SIGLEC15: variants seen among roughly 807,000 people sequenced by gnomAD.
The protein encoded by SIGLEC15 is sialic acid-binding Ig-like lectin 15.
In SIGLEC15, 31 loss-of-function variants were observed where a neutral mutation model predicts 26.2. The ratio of observed to expected loss-of-function variants is 1.18; its 90% CI spans 0.89 to 1.60. The LOEUF is 1.60. Among genes scored for constraint, SIGLEC15 ranks in the 40% most tolerant of loss-of-function variants. SIGLEC15 has a pLI of 0.00. For missense variants in SIGLEC15, 501 were observed against 488.4 expected (o/e 1.03, Z -0.24); for synonymous variants, 207 against 221.9 (o/e 0.93, Z 0.60).
At chr18:45,831,222 T>A (rs533213148) in intron 1 of SIGLEC15, among the ~76,000 whole-genome samples, 82 of 152,340 alleles carry the variant, frequency 5.4e-4, no homozygotes, top group African/African-American at 1.9e-3. Flanking sequence ...ACTCGCCTGC[T>A]GCCGTGTTGT....
chr18:45,835,389 T>G (rs1243186627), intron 1 of SIGLEC15, among the ~76,000 whole-genome samples: 1 of 152,190 alleles, frequency 6.6e-6, no homozygotes, highest in African/African-American at 2.4e-5. Flanking sequence ...CTGCATCTCA[T>G]GCATGTACTT....
chr18:45,838,758 G>A lies in SIGLEC15; in HGVS notation c.537G>A (p.Pro179=), dbSNP rs1308202480. ...RIVNISVLPS[P]AHAFRALCTA... Reference sequence around the variant, plus strand: ...TCAACATCTCGGTGCTGCCCAGTCCGGCTCACGCCTTCCGCGCGCTCTGCA... The same window carrying A: ...TCAACATCTCGGTGCTGCCCAGTCCAGCTCACGCCTTCCGCGCGCTCTGCA... Residue 179 remains proline, a synonymous_variant, in exon 4 of 6, where the codon CCG becomes CCA. Transcript: ENST00000389474. 3.2e-6 allele frequency: 5 copies of A among 1,582,030 alleles called. No homozygotes were observed. Among genetic ancestry groups the A allele is most frequent in the Admixed American group, 3.4e-5 (2 of 58,450 alleles).
At position 45,825,796 on chromosome 18, in the gene SIGLEC15, T is replaced by C; in HGVS notation, c.52+16T>C. 2 of 1,614,088 alleles carry C rather than the reference T, an allele frequency of 1.2e-6. No homozygotes were observed. The highest frequency in any genetic ancestry group is 1.7e-6 in the Non-Finnish European group (2 of 1,179,922). On this transcript the variant is annotated intron_variant, in intron 1 of 5. Coordinates refer to ENST00000389474, the MANE Select transcript of SIGLEC15 (RefSeq NM_213602.3). Reference sequence around the variant, plus strand: ...CTCCCGACAGGTGAGTGTCTGCTACTCTCTCTGGCCCATGCTCGGGACAGA... The same window carrying C: ...CTCCCGACAGGTGAGTGTCTGCTACCCTCTCTGGCCCATGCTCGGGACAGA...
chr18:45,827,870 T>C lies in SIGLEC15; in HGVS notation c.52+2090T>C, dbSNP rs146517261. ...AGACACAAAGGATTTAGAGGAAGCATGGGCTGTGGAGTCACATGTTCAAAA... is the reference window on the plus strand; with the variant it reads ...AGACACAAAGGATTTAGAGGAAGCACGGGCTGTGGAGTCACATGTTCAAAA... On this transcript the variant is annotated intron_variant, in intron 1 of 5. Transcript: ENST00000389474. Among the ~76,000 whole-genome samples the C allele has an allele frequency of 4.3e-3, 649 of 152,324 alleles. 8 individuals carry two copies. The highest frequency in any genetic ancestry group is 0.014 in the African/African-American group (602 of 41,564).
chr18:45,833,501 C>T (rs1043009222), intron 1 of SIGLEC15, among the ~76,000 whole-genome samples: 3 of 151,938 alleles, frequency 2.0e-5, no homozygotes, highest in Non-Finnish European at 2.9e-5. Flanking sequence ...TTAGTAGAGA[C>T]GGGGTTTTAC....
rs981657633 is a variant in SIGLEC15 at position 45,842,327 on chromosome 18, A to G, written c.*140A>G. The G allele has an allele frequency of 3.9e-5, 31 of 797,470 alleles. No individual in the cohort carries two copies. The highest frequency in any genetic ancestry group is 3.4e-4 in the Middle Eastern group (1 of 2,902). The allele number at this position is 797,470 out of a possible 1,614,324, so 49.4% of individuals were successfully genotyped here. A position where few individuals can be genotyped will look rare whatever the true frequency, so the allele number is the denominator to read the frequency against. On this transcript the variant is annotated 3_prime_UTR_variant, in exon 6 of 6. Coordinates refer to ENST00000389474, the MANE Select transcript of SIGLEC15 (RefSeq NM_213602.3). The stretch of plus-strand genomic sequence containing the variant: ...GTGGCTCCTCCCCTGCTCAAGGTCA[A>G]GACCCTGCTCAAGGAGGCTCATCTG...
In SIGLEC15 at chr18:45,837,667, C is replaced by A; in HGVS notation, c.267C>A (p.Gly89=). ...AIWRAGEPYA[G]PQVFRCAAAR... ...GGCGCGCGGGCGAGCCCTATGCGGG[C>A]CCGCAGGTGTTCCGCTGCGCTGCGG... Residue 89 remains glycine (G), a synonymous_variant, in exon 3 of 6, where the codon GGC becomes GGA. Coordinates refer to ENST00000389474, the MANE Select transcript of SIGLEC15 (RefSeq NM_213602.3). The A allele has an allele frequency of 3.3e-6, 5 of 1,495,276 alleles. No individual in the cohort carries two copies. Among genetic ancestry groups the A allele is most frequent in the Non-Finnish European group, 3.5e-6 (4 of 1,130,824 alleles). 92.6% of individuals were successfully genotyped at this position (1,495,276 alleles called of 1,614,324 possible).
chr18:45,835,818 A>G (rs1460416913), intron 1 of SIGLEC15, among the ~76,000 whole-genome samples: 3 of 152,142 alleles, frequency 2.0e-5, no homozygotes, highest in Non-Finnish European at 4.4e-5. Context: ...TAGAGCACAC[A>G]CCTGGAGCCC....
rs1316035536 is a variant in SIGLEC15 at position 45,837,656 on chromosome 18, C to G, written c.256C>G (p.Pro86Ala). ...PLTAIWRAGE[P>A]YAGPQVFRCA... ...GACGGCCATCTGGCGCGCGGGCGAGCCCTATGCGGGCCCGCAGGTGTTCCG... is the reference window on the plus strand; with the variant it reads ...GACGGCCATCTGGCGCGCGGGCGAGGCCTATGCGGGCCCGCAGGTGTTCCG... Residue 86 changes from proline (P) to alanine (A), a missense_variant, in exon 3 of 6, where the codon CCC becomes GCC. Transcript: ENST00000389474. 14 of 1,503,924 alleles carry G rather than the reference C, an allele frequency of 9.3e-6. No individual in the cohort carries two copies. The highest frequency in any genetic ancestry group is 1.1e-5 in the Non-Finnish European group (13 of 1,134,302). 93.2% of individuals were successfully genotyped at this position (1,503,924 alleles called of 1,614,324 possible).
rs558491138 is a variant in SIGLEC15, at chr18:45,838,785, T to TGC, written c.565_566dup (p.Glu190ProfsTer33). 313 of 1,567,322 alleles carry TGC rather than the reference T, an allele frequency of 2.0e-4. 1 individual carries two copies. The highest frequency in any genetic ancestry group is 1.0e-3 in the Middle Eastern group (6 of 5,984). ...CTCACGCCTTCCGCGCGCTCTGCAC[T>TGC]GCCGAAGGGGAGCCGCCGCCCGCCC... On this transcript the variant is annotated frameshift_variant, in exon 4 of 6. Transcript: ENST00000389474. LOFTEE classifies it high-confidence loss of function.
Position 45,838,150 on chromosome 18 carries a change from G to C in SIGLEC15, c.496+254G>C, listed in dbSNP as rs2048292210. Among the ~76,000 whole-genome samples, 3 of 152,360 alleles carry C rather than the reference G, an allele frequency of 2.0e-5. No individual in the cohort carries two copies. The South Asian group carries it at 6.2e-4, about 32-fold the overall frequency. On this transcript the variant is annotated intron_variant, in intron 3 of 5. Transcript: ENST00000389474. ...TAGGCATTGCCGTGACTCTCGTAGA[G>C]TGACTGTCCCCAGTGGCTCTCAGAC...
At chr18:45,838,553 G>A (rs1475565344) in intron 3 of SIGLEC15, 165 bp from the exon 4 acceptor site, 2 of 866,512 alleles carry the variant, frequency 2.3e-6, no homozygotes, top group South Asian at 1.9e-5. Flanking sequence ...AAGCAGAGAT[G>A]ATAGAATCTT....
rs780780200 is a variant in SIGLEC15 at position 45,837,831 on chromosome 18, T to C, written c.431T>C (p.Val144Ala). 3 of 1,536,214 alleles carry C rather than the reference T, an allele frequency of 2.0e-6. No individual in the cohort carries two copies. The highest frequency in any genetic ancestry group is 1.2e-5 in the South Asian group (1 of 84,318). Residue 144 changes from valine to alanine, a missense_variant, in exon 3 of 6, where the codon GTC (valine) becomes GCC (alanine). Physicochemically the swap from Val to Ala is moderately conservative, Grantham distance 64. Transcript: ENST00000389474. The stretch of plus-strand genomic sequence containing the variant: ...GACGACCGCCGCTACTTCTGCCGCG[T>C]CGAGTTCGCCGGCGACGTCCATGAC... ...LADDRRYFCR[V>A]EFAGDVHDRY...
At chr18:45,839,163 C>T in intron 4 of SIGLEC15, 68 bp downstream of exon 4, 1 of 1,338,426 alleles carries the variant, frequency 7.5e-7, no homozygotes, top group South Asian at 2.0e-5. Flanking sequence ...TAGATAAGAC[C>T]ACCTGGCTGA....
chr18:45,836,056 C>A (rs531037826), intron 1 of SIGLEC15, among the ~76,000 whole-genome samples: 2 of 152,294 alleles, frequency 1.3e-5, no homozygotes, highest in East Asian at 3.9e-4. Context: ...AATGTCCCGA[C>A]CTGTGATTAT....
chr18:45,831,190 C>T (rs916079028), intron 1 of SIGLEC15, among the ~76,000 whole-genome samples: 9 of 152,150 alleles, frequency 5.9e-5, no homozygotes, highest in African/African-American at 1.7e-4. Context: ...TGCCTCGGGC[C>T]GTCTCTGTGT....
At position 45,841,544 on chromosome 18, in the gene SIGLEC15, T is replaced by G. The variant is rs1426397978; in HGVS notation, c.906-562T>G. On this transcript the variant is annotated intron_variant, in intron 5 of 5. Coordinates refer to ENST00000389474, the MANE Select transcript of SIGLEC15 (RefSeq NM_213602.3). ...GGCCGTTGGCAAGGCTGAGGCTGGC[T>G]TGGCTGTTTGGACAAAGGTGCAGGG... Among the ~76,000 whole-genome samples the G allele has an allele frequency of 2.3e-4, 35 of 152,156 alleles. 1 individual carries two copies. Among genetic ancestry groups the G allele is most frequent in the Admixed American group, 2.2e-3 (34 of 15,280 alleles).
At chr18:45,832,814 C>T (rs1251232104) in intron 1 of SIGLEC15, among the ~76,000 whole-genome samples, 1 of 152,184 alleles carries the variant, frequency 6.6e-6, no homozygotes, top group Non-Finnish European at 1.5e-5. Context: ...TGTATTCTAG[C>T]CAAAGCAAGC....
intron 3 of SIGLEC15, 82 bp downstream of exon 3, chr18:45,837,978 GCGCTGTGCTGAGCCAGGAAGGGCAA>G (rs1325021797): frequency 7.2e-7 from 1 of 1,389,800 alleles, no homozygotes; most frequent in Non-Finnish European, 9.3e-7. Flanking sequence ...TGGGTGCCAG[GCGCTGTGCTGAGCCAGGAAGGGCAA>G]CGAGACCCAG....
Sources: allele counts gnomAD v4.1 joint callset (sites outside exome capture counted in the v4.1 genomes callset), GRCh38; gene constraint gnomAD v4.1.1; transcripts MANE v1.5; gene names NCBI Gene and HGNC (gene_info 2026-07-23, HGNC 2026-07-21).